The following SCLT1 variants were observed in gnomAD, a reference collection of about 807,000 sequenced individuals.
SCLT1 encodes sodium channel and clathrin linker 1.
A neutral mutation model predicts 112.8 loss-of-function variants in SCLT1; 78 were observed. That is an observed-to-expected ratio of 0.69 (90% confidence interval 0.58 to 0.83). SCLT1 has a LOEUF of 0.83. Ranked by LOEUF, SCLT1 falls within the 40% of genes least tolerant of loss-of-function variation. The pLI is 0.00. For synonymous variants in SCLT1, 257 were observed against 254.7 expected, an observed-to-expected ratio of 1.01 and a Z score of -0.09; for missense variants, 747 against 770.4, an observed-to-expected ratio of 0.97 and a Z score of 0.36.
rs912953804 is a variant in SCLT1, at chr4:129,004,599, CTT to C, written c.291-725_291-724del. ...AAAAAGTACATTTTCAGAAAACACTCTTATTTCATATAATCATAAGCAGAAAA... is the reference window on the plus strand; with the variant it reads ...AAAAAGTACATTTTCAGAAAACACTCATTTCATATAATCATAAGCAGAAAA... On this transcript the variant is annotated intron_variant, in intron 5 of 20. Coordinates refer to ENST00000281142, the MANE Select transcript of SCLT1 (RefSeq NM_144643.4). 1.6e-4 allele frequency among the ~76,000 whole-genome samples: 25 copies of C among 152,090 alleles called. 1 individual carries two copies. Among genetic ancestry groups the C allele is most frequent in the East Asian group, 1.5e-3 (8 of 5,178 alleles).
chr4:129,071,249 C>T (rs576937406), intron 2 of SCLT1, among the ~76,000 whole-genome samples: 2 of 152,210 alleles, frequency 1.3e-5, no homozygotes, highest in East Asian at 3.9e-4. Context: ...AATGTGTATT[C>T]TGTGGTTGTT....
chr4:128,893,931 T>TTTTG (rs376420656), intron 18 of SCLT1, among the ~76,000 whole-genome samples: 12 of 151,724 alleles, frequency 7.9e-5, no homozygotes, highest in African/African-American at 1.2e-4. Context: ...CTGTCAGGTT[T>TTTTG]TTTGTTTGTT....
chr4:128,941,312 A>T (rs931468194), intron 17 of SCLT1, among the ~76,000 whole-genome samples: 1 of 152,030 alleles, frequency 6.6e-6, no homozygotes, highest in Admixed American at 6.6e-5. Flanking sequence ...ATATTCTTAA[A>T]AATACTTGAT....
intron 5 of SCLT1, among the ~76,000 whole-genome samples, chr4:129,006,782 C>T (rs190650769): frequency 9.5e-4 from 145 of 152,118 alleles, no homozygotes; most frequent in African/African-American, 3.3e-3. Context: ...GCTCTGTTCC[C>T]GAGGTGTTAT....
At chr4:128,908,380 T>TA (rs11432450) in intron 18 of SCLT1, among the ~76,000 whole-genome samples, 95,813 of 137,276 alleles carry the variant, frequency 0.7, 32,971 homozygotes, top group African/African-American at 0.73. Flanking sequence ...TCCTGTTAAT[T>TA]AAAAAAAAAA....
intron 2 of SCLT1, among the ~76,000 whole-genome samples, chr4:129,081,644 G>T (rs1254144030): frequency 6.6e-6 from 1 of 152,158 alleles, no homozygotes; most frequent in Non-Finnish European, 1.5e-5. Flanking sequence ...GGGGAAATTT[G>T]CACCCATGAT....
At chr4:129,078,684 TATAAGA>T (rs1314736139) in intron 2 of SCLT1, among the ~76,000 whole-genome samples, 3 of 152,150 alleles carry the variant, frequency 2.0e-5, no homozygotes, top group Non-Finnish European at 4.4e-5. Context: ...AAAAAATATC[TATAAGA>T]ATAAGTACTC....
intron 14 of SCLT1, among the ~76,000 whole-genome samples, chr4:128,950,936 G>C (rs940369374): frequency 5.3e-5 from 8 of 152,058 alleles, no homozygotes; most frequent in Non-Finnish European, 8.8e-5. Context: ...GGTACGTGTT[G>C]GTCTCCAAAG....
At chr4:129,003,694 A>G in intron 6 of SCLT1, 47 bp downstream of exon 6, 1 of 1,379,446 alleles carries the variant, frequency 7.2e-7, no homozygotes, top group Admixed American at 2.2e-5. Context: ...ATTTTTAAAA[A>G]GGTATGTTAA....
chr4:128,898,776 G>C (rs13113815), intron 18 of SCLT1, among the ~76,000 whole-genome samples: 28,407 of 151,972 alleles, frequency 0.19, 3,048 homozygotes, highest in Middle Eastern at 0.35. Context: ...TAGACCGCTA[G>C]CAAGACTAAT....
At chr4:129,018,382 A>G (rs72924166) in intron 5 of SCLT1, among the ~76,000 whole-genome samples, 2,760 of 152,348 alleles carry the variant, frequency 0.018, 72 homozygotes, top group African/African-American at 0.055. Context: ...GCCTCAAAGT[A>G]ATAAATAAAA....
At position 128,884,375 on chromosome 4, in the gene SCLT1, CA is replaced by C. The variant is rs372421512; in HGVS notation, c.*101del. ...ACAACAATGCTTACGCGAAATAACA[CA>C]AGCCTTAACTATTATACTTTGCAGG... On this transcript the variant is annotated 3_prime_UTR_variant, in exon 21 of 21. Transcript: ENST00000281142. 31 of 701,066 alleles carry C rather than the reference CA, an allele frequency of 4.4e-5. No individual in the cohort carries two copies. The highest frequency in any genetic ancestry group is 4.9e-4 in the Middle Eastern group (2 of 4,082). The allele number at this position is 701,066 out of a possible 1,614,324, so 43.4% of individuals were successfully genotyped here.
At chr4:128,974,060 A>C (rs1171372872) in intron 9 of SCLT1, among the ~76,000 whole-genome samples, 1 of 152,206 alleles carries the variant, frequency 6.6e-6, no homozygotes, top group Non-Finnish European at 1.5e-5. Context: ...AGATAAAAAT[A>C]ATTTTCCCAT....
chr4:129,086,678 T>TTACTTATTATACCC (rs1280896038), intron 1 of SCLT1, among the ~76,000 whole-genome samples: 9 of 151,990 alleles, frequency 5.9e-5, no homozygotes, highest in Admixed American at 1.3e-4. Context: ...AGGGGTATAA[T>TTACTTATTATACCC]CATATTAAGA....
At chr4:128,953,005 A>G (rs1738894858) in intron 13 of SCLT1, among the ~76,000 whole-genome samples, 165 bp from the exon 14 acceptor site, 1 of 152,180 alleles carries the variant, frequency 6.6e-6, no homozygotes, top group Non-Finnish European at 1.5e-5. Context: ...ATTTGCCATG[A>G]AAGTGGAAGG....
At chr4:129,058,915 A>G (rs1445885185) in intron 2 of SCLT1, among the ~76,000 whole-genome samples, 1 of 152,006 alleles carries the variant, frequency 6.6e-6, no homozygotes, top group East Asian at 1.9e-4. Flanking sequence ...TTACATATTT[A>G]TATGCTCTGG....
chr4:128,969,768 T>A (rs543529483), intron 10 of SCLT1, among the ~76,000 whole-genome samples: 1 of 152,168 alleles, frequency 6.6e-6, no homozygotes, highest in African/African-American at 2.4e-5. Flanking sequence ...TGCTTTCTGG[T>A]GTTTTAAAAA....
At chr4:128,891,028 A>G (rs775388627) in intron 19 of SCLT1, 31 bp downstream of exon 19, 2 of 1,500,686 alleles carry the variant, frequency 1.3e-6, no homozygotes, top group Admixed American at 3.4e-5. Context: ...GCTGCAGCAG[A>G]AAGCACTTCC....
At chr4:128,978,469 A>G (rs1244392082) in intron 9 of SCLT1, among the ~76,000 whole-genome samples, 1 of 152,164 alleles carries the variant, frequency 6.6e-6, no homozygotes, top group Non-Finnish European at 1.5e-5. Flanking sequence ...ACAAGCAACA[A>G]AAGTCAGAGA....
Sources: gnomAD v4.1 joint callset for allele counts (sites outside exome capture counted in the v4.1 genomes callset) on GRCh38, gnomAD v4.1.1 for gene constraint, MANE v1.5 for transcripts, NCBI Gene and HGNC (gene_info 2026-07-23, HGNC 2026-07-21) for gene names.